NAV2: variants seen among roughly 807,000 people sequenced by gnomAD.
The protein encoded by NAV2 is neuron navigator 2.
NAV2 carries 54 observed loss-of-function variants against 223.2 expected under a neutral mutation model. The observed-to-expected ratio is 0.24, with a 90% CI of 0.19 to 0.30. The LOEUF (loss-of-function observed/expected upper bound fraction) is 0.30, where lower values mean the gene tolerates loss of function less well. NAV2 is among the 10% of genes least tolerant of loss of function. The pLI is 1.00. For synonymous variants in NAV2, 1,279 were observed against 1,239.3 expected, an observed-to-expected ratio of 1.03 and a Z score of -0.67; for missense variants, 2,806 against 3,147.5, an observed-to-expected ratio of 0.89 and a Z score of 2.60.
At chr11:19,398,299 C>T (rs1201044625) in intron 1 of NAV2, among the ~76,000 whole-genome samples, 2 of 152,128 alleles carry the variant, frequency 1.3e-5, no homozygotes, top group East Asian at 1.9e-4. Context: ...GGAGAACGTA[C>T]TCACTATTGC....
chr11:20,073,395 TC>T (rs2153648176), intron 22 of NAV2, among the ~76,000 whole-genome samples: 1 of 152,344 alleles, frequency 6.6e-6, no homozygotes, highest in Admixed American at 6.5e-5. Flanking sequence ...CCTGAAATTT[TC>T]TTTTTTTGTT....
chr11:19,557,606 C>T (rs1405988275), intron 1 of NAV2, among the ~76,000 whole-genome samples: 1 of 152,224 alleles, frequency 6.6e-6, no homozygotes, highest in Non-Finnish European at 1.5e-5. Flanking sequence ...CCCAGGGGCC[C>T]TATCAGTGCT....
chr11:20,005,250 TA>T (rs1310714006), intron 11 of NAV2, among the ~76,000 whole-genome samples: 14 of 5,760 alleles, frequency 2.4e-3, no homozygotes, highest in South Asian at 9.1e-3. Context: ...TATATATATA[TA>T]TATTTTTTTT....
chr11:19,446,084 T>C (rs1244039762), intron 1 of NAV2, among the ~76,000 whole-genome samples: 1 of 152,206 alleles, frequency 6.6e-6, no homozygotes, highest in Non-Finnish European at 1.5e-5. Context: ...TTCCAGATCT[T>C]AGTTTGCTCA....
At position 20,014,092 on chromosome 11, in the gene NAV2, C is replaced by T. The variant is rs190222305; in HGVS notation, c.2769-21867C>T. Among the ~76,000 whole-genome samples, 12 of 152,258 alleles carry T rather than the reference C, an allele frequency of 7.9e-5. No individual in the cohort carries two copies. The East Asian group carries it at 1.9e-3, about 25-fold the overall frequency. ...AGGAAGTGGAGTGAGATCAGAGTCC[C>T]CAACTGTTGGCTTAAGTCGCAGTCT... On this transcript the variant is annotated intron_variant, in intron 11 of 37. Coordinates refer to ENST00000349880, the MANE Select transcript of NAV2 (RefSeq NM_145117.5).
Position 20,048,822 on chromosome 11 carries a change from A to G in NAV2, c.3997A>G (p.Thr1333Ala). Residue 1333 changes from threonine to alanine, a missense_variant, in exon 15 of 38, where the codon ACT becomes GCT. This residue lies in a region of NAV2 where 742 missense variants were observed against 777.9 expected (regional missense o/e 0.95). Coordinates refer to ENST00000349880, the MANE Select transcript of NAV2 (RefSeq NM_145117.5). The stretch of plus-strand genomic sequence containing the variant: ...CATCTCCAATCCTCATGCCACCATG[A>G]CTCAGCAAGGTAACCTAGACTCCCC... ...VVISNPHATM[T>A]QQGNLDSPSG... The G allele has an allele frequency of 6.2e-7, 1 of 1,614,050 alleles. No individual in the cohort carries two copies. Among genetic ancestry groups the G allele is most frequent in the South Asian group, 1.1e-5 (1 of 91,060 alleles).
chr11:20,040,920 C>T (rs1311982559), intron 12 of NAV2, among the ~76,000 whole-genome samples: 3 of 152,068 alleles, frequency 2.0e-5, no homozygotes, highest in Middle Eastern at 3.2e-3. Context: ...ATGAAGGATT[C>T]AGAGTAGAGC....
chr11:19,726,579 G>C (rs956768725), intron 1 of NAV2, among the ~76,000 whole-genome samples: 1 of 152,206 alleles, frequency 6.6e-6, no homozygotes, highest in Admixed American at 6.5e-5. Context: ...ACTGTGAGCT[G>C]CCCACAGTAG....
chr11:19,712,973 T>C lies in NAV2; in HGVS notation c.-723T>C, dbSNP rs974075234. On this transcript the variant is annotated 5_prime_UTR_variant, in exon 1 of 38. Coordinates refer to ENST00000349880, the MANE Select transcript of NAV2 (RefSeq NM_145117.5). ...CCCCACGGCCACAGCCTTGCCTCTA[T>C]CTAGCTCACGGAGCATGTGCAGACC... Among the ~76,000 whole-genome samples the C allele has an allele frequency of 4.0e-4, 61 of 152,166 alleles. No individual in the cohort carries two copies. The highest frequency in any genetic ancestry group is 1.5e-3 in the African/African-American group (61 of 41,554).
chr11:19,715,429 G>A lies in NAV2; in HGVS notation c.267+1467G>A, dbSNP rs2050220869. Reference sequence around the variant, plus strand: ...AGCACCAGGGTACACTTCTGCATGGGGTTTCCCTTCATCCATGGACTTGGG... The same window carrying A: ...AGCACCAGGGTACACTTCTGCATGGAGTTTCCCTTCATCCATGGACTTGGG... On this transcript the variant is annotated intron_variant, in intron 1 of 37. Coordinates refer to ENST00000349880, the MANE Select transcript of NAV2 (RefSeq NM_145117.5). Among the ~76,000 whole-genome samples the A allele has an allele frequency of 2.6e-5, 4 of 152,108 alleles. No individual in the cohort carries two copies. The South Asian group carries it at 8.3e-4, about 32-fold the overall frequency.
At chr11:19,610,688 G>A (rs1831877990) in intron 1 of NAV2, among the ~76,000 whole-genome samples, 1 of 152,182 alleles carries the variant, frequency 6.6e-6, no homozygotes, top group Admixed American at 6.5e-5. Context: ...GCAAATGGAT[G>A]GATGGATAAG....
intron 1 of NAV2, among the ~76,000 whole-genome samples, chr11:19,688,874 C>A (rs1016840986): frequency 2.0e-5 from 3 of 151,976 alleles, no homozygotes; most frequent in African/African-American, 7.3e-5. Flanking sequence ...TATCCAGGCA[C>A]AATTATTAAT....
chr11:20,006,663 A>C (rs2053103637), intron 11 of NAV2, among the ~76,000 whole-genome samples: 1 of 151,344 alleles, frequency 6.6e-6, no homozygotes, highest in Non-Finnish European at 1.5e-5. Flanking sequence ...CGACAAGAGC[A>C]AAACTCCATC....
chr11:19,459,447 CT>C (rs1330068819), intron 1 of NAV2, among the ~76,000 whole-genome samples: 3 of 152,200 alleles, frequency 2.0e-5, no homozygotes, highest in African/African-American at 7.2e-5. Flanking sequence ...AGGTGATTTC[CT>C]TATACCTAAC....
rs183649592 is a variant in NAV2 at position 20,073,735 on chromosome 11, A to G, written c.4984-3817A>G. Among the ~76,000 whole-genome samples, 483 of 151,764 alleles carry G rather than the reference A, an allele frequency of 3.2e-3. 3 individuals carry two copies. The highest frequency in any genetic ancestry group is 0.011 in the African/African-American group (459 of 41,056). ...AGTTTGCTTACGTAGAGCTGTTTATAGTATTCTCTGATGGTAGTTTGTATT... is the reference window on the plus strand; with the variant it reads ...AGTTTGCTTACGTAGAGCTGTTTATGGTATTCTCTGATGGTAGTTTGTATT... On this transcript the variant is annotated intron_variant, in intron 22 of 37. Coordinates refer to ENST00000349880, the MANE Select transcript of NAV2 (RefSeq NM_145117.5).
chr11:20,003,964 T>G (rs2052801907), intron 11 of NAV2, among the ~76,000 whole-genome samples: 2 of 152,222 alleles, frequency 1.3e-5, no homozygotes, highest in African/African-American at 4.8e-5. Context: ...CTAGAAAGTA[T>G]GGAAGGCTCA....
chr11:19,749,895 G>A (rs906831259), intron 1 of NAV2, among the ~76,000 whole-genome samples: 2 of 152,246 alleles, frequency 1.3e-5, no homozygotes, highest in African/African-American at 4.8e-5. Flanking sequence ...CTATGGCTTT[G>A]AGGGAGCAGA....
intron 1 of NAV2, among the ~76,000 whole-genome samples, chr11:19,762,793 T>C (rs2152548371): frequency 6.6e-6 from 1 of 152,116 alleles, no homozygotes; most frequent in Middle Eastern, 3.4e-3. Context: ...TTTGTATTTT[T>C]AGTAGAGACG....
At chr11:19,981,885 G>A (rs1405450868) in intron 10 of NAV2, among the ~76,000 whole-genome samples, 2 of 152,198 alleles carry the variant, frequency 1.3e-5, no homozygotes, top group African/African-American at 4.8e-5. Context: ...TGTCTTAAAT[G>A]TAAGTTTGTT....
Sources: gnomAD v4.1 joint callset for allele counts (sites outside exome capture counted in the v4.1 genomes callset) on GRCh38, gnomAD v4.1.1 for gene constraint, gnomAD v4.1.1 regional missense constraint, MANE v1.5 for transcripts, NCBI Gene and HGNC (gene_info 2026-07-23, HGNC 2026-07-21) for gene names.